CDK14: variants seen among roughly 807,000 people sequenced by gnomAD.
CDK14 encodes cyclin-dependent kinase 14.
Under a neutral mutation model 60.7 loss-of-function variants are expected in CDK14, and 34 were observed. The ratio of observed to expected loss-of-function variants is 0.56; its 90% confidence interval spans 0.43 to 0.75. The LOEUF (loss-of-function observed/expected upper bound fraction) is 0.75. CDK14 is among the 30% of genes least tolerant of loss of function. The probability of loss-of-function intolerance (pLI) is 0.00; values close to 1 mark genes in which losing one functional copy is unlikely to be tolerated. For synonymous variants in CDK14, 197 were observed against 203.7 expected (o/e 0.97, Z 0.28); for missense variants, 482 against 564.1 (o/e 0.85, Z 1.47).
intron 2 of CDK14, among the ~76,000 whole-genome samples, chr7:90,705,868 G>A (rs1280003194): frequency 6.6e-6 from 1 of 151,894 alleles, no homozygotes; most frequent in Admixed American, 6.6e-5. Context: ...GTTAAACCCC[G>A]AGGGCTGCTG....
intron 2 of CDK14, among the ~76,000 whole-genome samples, chr7:90,631,689 T>C (rs1016039074): frequency 6.6e-6 from 1 of 152,166 alleles, no homozygotes; most frequent in South Asian, 2.1e-4. Flanking sequence ...TGTACACAGT[T>C]GGTACTAAGA....
intron 14 of CDK14, among the ~76,000 whole-genome samples, chr7:91,203,798 A>T (rs921748719): frequency 2.8e-4 from 43 of 152,150 alleles, no homozygotes; most frequent in African/African-American, 9.7e-4. Context: ...TTGGCTGAGG[A>T]TGCCTGTGGA....
chr7:91,098,156 A>G (rs990579259), intron 12 of CDK14, among the ~76,000 whole-genome samples: 17 of 152,204 alleles, frequency 1.1e-4, no homozygotes, highest in African/African-American at 3.9e-4. Context: ...ATGAAAGCAT[A>G]TATTTTCAAA....
Position 91,100,527 on chromosome 7 carries a change from A to G in CDK14, c.1155-12015A>G, listed in dbSNP as rs78227398. Among the ~76,000 whole-genome samples, 650 of 152,326 alleles carry G rather than the reference A, an allele frequency of 4.3e-3. 4 individuals are homozygous for G. The highest frequency in any genetic ancestry group is 0.015 in the African/African-American group (625 of 41,586). ...ACAAATTCATATATATTAGTCTATGAATATTTTATGATAATGTCTGTATCA... is the reference window on the plus strand; with the variant it reads ...ACAAATTCATATATATTAGTCTATGGATATTTTATGATAATGTCTGTATCA... On this transcript the variant is annotated intron_variant, in intron 12 of 14. Coordinates refer to ENST00000380050, the MANE Select transcript of CDK14 (RefSeq NM_001287135.2).
chr7:90,663,095 AACACACACAC>A (rs111918409), intron 2 of CDK14, among the ~76,000 whole-genome samples: 41 of 132,054 alleles, frequency 3.1e-4, no homozygotes, highest in Non-Finnish European at 5.4e-4. Context: ...CTAAGATGGG[AACACACACAC>A]ACACACACAC....
intron 14 of CDK14, among the ~76,000 whole-genome samples, chr7:91,179,296 T>A (rs1056841297): frequency 7.2e-6 from 1 of 138,750 alleles, no homozygotes. Flanking sequence ...TAGGTGGGAA[T>A]TGAACAATGA....
chr7:90,808,719 C>T (rs1248110216), intron 5 of CDK14, among the ~76,000 whole-genome samples: 3 of 152,060 alleles, frequency 2.0e-5, no homozygotes, highest in Non-Finnish European at 4.4e-5. Flanking sequence ...ATTCAGGAAA[C>T]CCATCTCATG....
At chr7:90,714,613 C>A (rs1007646284) in intron 2 of CDK14, among the ~76,000 whole-genome samples, 1 of 152,018 alleles carries the variant, frequency 6.6e-6, no homozygotes, top group African/African-American at 2.4e-5. Flanking sequence ...TCCCAGTGTT[C>A]CTCTTCATAA....
intron 6 of CDK14, among the ~76,000 whole-genome samples, chr7:90,871,641 G>A (rs140000296): frequency 2.0e-4 from 30 of 152,288 alleles, no homozygotes; most frequent in African/African-American, 7.0e-4. Context: ...AATAGAGGAT[G>A]ACTAGATTCA....
intron 10 of CDK14, among the ~76,000 whole-genome samples, chr7:90,993,436 G>A (rs944316000): frequency 6.6e-6 from 1 of 152,074 alleles, no homozygotes; most frequent in Non-Finnish European, 1.5e-5. Flanking sequence ...ATACTGGATG[G>A]ATCAAGGTAT....
chr7:90,681,340 A>G (rs890379379), intron 2 of CDK14, among the ~76,000 whole-genome samples: 1 of 152,200 alleles, frequency 6.6e-6, no homozygotes, highest in African/African-American at 2.4e-5. Context: ...TTTAGGAAGT[A>G]CTTAGTTCGC....
At chr7:91,059,587 A>G (rs1429798224) in intron 11 of CDK14, among the ~76,000 whole-genome samples, 1 of 152,080 alleles carries the variant, frequency 6.6e-6, no homozygotes, top group Non-Finnish European at 1.5e-5. Flanking sequence ...TGTGTCCCAG[A>G]GATTCTGGTA....
At chr7:90,793,803 A>G (rs1805930411) in intron 5 of CDK14, among the ~76,000 whole-genome samples, 1 of 152,224 alleles carries the variant, frequency 6.6e-6, no homozygotes, top group Middle Eastern at 3.4e-3. Flanking sequence ...CAGCACTCCA[A>G]CTCATTTATG....
intron 9 of CDK14, among the ~76,000 whole-genome samples, chr7:90,978,685 T>G (rs1274756306): frequency 6.6e-6 from 1 of 152,108 alleles, no homozygotes; most frequent in East Asian, 1.9e-4. Context: ...ATTAAAAAAA[T>G]CACTCCACAT....
At chr7:90,634,783 C>G (rs1584756260) in intron 2 of CDK14, among the ~76,000 whole-genome samples, 2 of 152,064 alleles carry the variant, frequency 1.3e-5, no homozygotes, top group East Asian at 3.9e-4. Flanking sequence ...TCCACATCCT[C>G]TCCAGCACCT....
intron 6 of CDK14, among the ~76,000 whole-genome samples, chr7:90,888,902 AT>A (rs1328612120): frequency 6.6e-6 from 1 of 152,238 alleles, no homozygotes; most frequent in African/African-American, 2.4e-5. Flanking sequence ...TTGTTATATG[AT>A]TTAGGCTTGT....
intron 2 of CDK14, among the ~76,000 whole-genome samples, chr7:90,609,474 G>T (rs966984070): frequency 1.1e-4 from 17 of 152,108 alleles, no homozygotes; most frequent in African/African-American, 4.1e-4. Flanking sequence ...CATCCCCTTG[G>T]TGCTGTTCTG....
chr7:90,617,549 T>C (rs1411300693), intron 2 of CDK14, among the ~76,000 whole-genome samples: 2 of 152,062 alleles, frequency 1.3e-5, no homozygotes, highest in African/African-American at 4.8e-5. Flanking sequence ...GTTACACACA[T>C]TTTACAGAGA....
At chr7:90,776,908 G>A (rs1373456827) in intron 4 of CDK14, among the ~76,000 whole-genome samples, 1 of 151,486 alleles carries the variant, frequency 6.6e-6, no homozygotes, top group South Asian at 2.1e-4. Context: ...CGAAGGAAAT[G>A]GTGTGACATT....
Sources: gnomAD v4.1 joint callset for allele counts (sites outside exome capture counted in the v4.1 genomes callset) on GRCh38, gnomAD v4.1.1 for gene constraint, MANE v1.5 for transcripts, NCBI Gene and HGNC (gene_info 2026-07-23, HGNC 2026-07-21) for gene names.